Variants in CLCN6 observed in about 807,000 individuals in gnomAD.
CLCN6 encodes the protein Cl-/H+ antiporter 6.
A neutral mutation model predicts 109.8 loss-of-function variants in CLCN6; 70 were observed. The observed-to-expected ratio is 0.64, with a 90% CI of 0.53 to 0.78. CLCN6 has a LOEUF of 0.78. Ranked by LOEUF, CLCN6 falls within the 30% of genes least tolerant of loss-of-function variation. The probability of loss-of-function intolerance (pLI) is 0.00; values close to 1 mark genes in which losing one functional copy is unlikely to be tolerated. For missense variants in CLCN6, 984 were observed against 1,142.3 expected (o/e 0.86, Z 2.00); for synonymous variants, 444 against 447.8 (o/e 0.99, Z 0.11).
intron 5 of CLCN6, 41 bp downstream of exon 5, chr1:11,819,595 G>A: frequency 1.3e-6 from 2 of 1,555,612 alleles, no homozygotes; most frequent in Non-Finnish European, 1.8e-6. Flanking sequence ...GACTTCAGTG[G>A]TCACCAAGAT....
intron 2 of CLCN6, among the ~76,000 whole-genome samples, chr1:11,814,336 G>T (rs1220242498): frequency 6.8e-6 from 1 of 146,288 alleles, no homozygotes. Flanking sequence ...TGCAACCTCC[G>T]CCTCCTAGGT....
intron 8 of CLCN6, among the ~76,000 whole-genome samples, chr1:11,825,725 C>T (rs1346499562): frequency 1.3e-5 from 2 of 152,198 alleles, no homozygotes; most frequent in African/African-American, 2.4e-5. Context: ...TGGGTTCAAG[C>T]GATTCTCCTG....
At chr1:11,829,428 C>A in intron 13 of CLCN6, 106 bp downstream of exon 13, 1 of 1,324,862 alleles carries the variant, frequency 7.5e-7, no homozygotes, top group Non-Finnish European at 1.1e-6. Flanking sequence ...GTTCATCCTT[C>A]CACACCCATT....
Position 11,819,383 on chromosome 1 carries a change from G to A in CLCN6, c.280-105G>A, listed in dbSNP as rs565340855. On this transcript the variant is annotated intron_variant, in intron 4 of 22. Coordinates refer to ENST00000346436, the MANE Select transcript of CLCN6 (RefSeq NM_001286.5). ...TACTGCTGGCTGGTGAGCAGCCTCC[G>A]TATGTGCAGTGGGGGAGGAGATGCC... is the stretch of plus-strand genomic sequence containing the variant. 2.3e-5 allele frequency: 23 copies of A among 995,566 alleles called. No homozygotes were observed. In the Admixed American group the frequency reaches 2.5e-4, roughly 11 times the overall value. The allele number at this position is 995,566 out of a possible 1,614,324, so 61.7% of individuals were successfully genotyped here. A position where few individuals can be genotyped will look rare whatever the true frequency, so the allele number is the denominator to read the frequency against.
At chr1:11,822,625 G>A in intron 5 of CLCN6, 70 bp from the exon 6 acceptor site, 2 of 891,012 alleles carry the variant, frequency 2.2e-6, no homozygotes, top group South Asian at 2.7e-5. Flanking sequence ...AGAAGCAGCT[G>A]CACCCTCTCA....
chr1:11,808,322 T>A (rs1380708419), intron 2 of CLCN6, among the ~76,000 whole-genome samples: 3 of 150,380 alleles, frequency 2.0e-5, no homozygotes, highest in African/African-American at 2.4e-5. Flanking sequence ...TCGAACTCCT[T>A]GACACCAGCG....
chr1:11,818,208 G>T (rs1269882886), intron 4 of CLCN6, among the ~76,000 whole-genome samples: 1 of 152,132 alleles, frequency 6.6e-6, no homozygotes, highest in Non-Finnish European at 1.5e-5. Context: ...GCCTCTAGTT[G>T]TTAGTGTTTG....
At chr1:11,836,253 G>T in intron 18 of CLCN6, 100 bp downstream of exon 18, 6 of 1,075,176 alleles carry the variant, frequency 5.6e-6, no homozygotes, top group African/African-American at 1.6e-5. Context: ...TGGACTTACC[G>T]GCTCTCAGGG....
chr1:11,829,630 A>G (rs1457851551), intron 13 of CLCN6, among the ~76,000 whole-genome samples: 6 of 131,126 alleles, frequency 4.6e-5, no homozygotes, highest in African/African-American at 1.2e-4. Context: ...ACCTGGGAAC[A>G]ACCCTGGCGT....
At chr1:11,819,113 T>C (rs940553384) in intron 4 of CLCN6, among the ~76,000 whole-genome samples, 14 of 152,216 alleles carry the variant, frequency 9.2e-5, no homozygotes, top group African/African-American at 3.1e-4. Context: ...CTGTCATTAG[T>C]GTATTTTATG....
intron 13 of CLCN6, 67 bp downstream of exon 13, chr1:11,829,389 C>T (rs1020481462): frequency 2.5e-6 from 4 of 1,583,730 alleles, no homozygotes; most frequent in Non-Finnish European, 3.5e-6. Context: ...GTATGACCTT[C>T]CTCTGTTGAG....
intron 13 of CLCN6, 79 bp from the exon 14 acceptor site, chr1:11,833,436 T>G (rs1644904136): frequency 2.5e-5 from 36 of 1,468,706 alleles, no homozygotes; most frequent in Non-Finnish European, 3.4e-5. Flanking sequence ...CCACCTGTTT[T>G]GGACCCGGCT....
In CLCN6 at chr1:11,827,129, G is replaced by A; in HGVS notation, c.748G>A (p.Val250Ile). 2 of 1,613,990 alleles carry A rather than the reference G, an allele frequency of 1.2e-6. No homozygotes were observed. The highest frequency in any genetic ancestry group is 1.7e-6 in the Non-Finnish European group (2 of 1,179,916). ...TGTATCAGCAGGAGCGGCTGCTGGA[G>A]TTGCTGCAGCTTTCGGGGCGCCAAT... ...DFVSAGAAAGVAAAFGAPIGG... is the reference protein window; with the variant it reads ...DFVSAGAAAGIAAAFGAPIGG... Residue 250 changes from valine (V) to isoleucine (I), a missense_variant, in exon 10 of 23, where the codon GTT (valine) becomes ATT (isoleucine). Transcript: ENST00000346436.
chr1:11,829,542 C>T (rs191856934), intron 13 of CLCN6, among the ~76,000 whole-genome samples: 29 of 151,814 alleles, frequency 1.9e-4, no homozygotes, highest in Non-Finnish European at 3.7e-4. Context: ...ACAACCCTGG[C>T]GTCACAGAGG....
intron 19 of CLCN6, 73 bp downstream of exon 19, chr1:11,837,229 G>T (rs72640267): frequency 0.1 from 166,364 of 1,593,812 alleles, 9,050 homozygotes; most frequent in South Asian, 0.14. Context: ...CTCAGATGTT[G>T]TGAGGTGGCT....
intron 17 of CLCN6, among the ~76,000 whole-genome samples, chr1:11,835,312 G>A (rs931087095): frequency 1.3e-5 from 2 of 152,106 alleles, no homozygotes; most frequent in East Asian, 1.9e-4. Context: ...TCACTCTGTC[G>A]CCTAGGCTGG....
rs372586489 is a variant in CLCN6, at chr1:11,834,238, A to G, written c.1529A>G (p.Tyr510Cys). 1.9e-6 allele frequency: 3 copies of G among 1,611,910 alleles called. No individual in the cohort carries two copies. Among genetic ancestry groups the G allele is most frequent in the Non-Finnish European group, 2.5e-6 (3 of 1,179,072 alleles). The change falls in exon 16 of 23, where the codon TAC (tyrosine) becomes TGC (cysteine). Residue 510 changes from tyrosine to cysteine, a missense_variant and splice_region_variant. Coordinates refer to ENST00000346436, the MANE Select transcript of CLCN6 (RefSeq NM_001286.5). The surrounding 1 kb of genome is among the most constrained non-coding windows in gnomAD (Gnocchi z 4.5). ...GRLVANVLKSYIGLGHIYSGT... is the reference protein window; with the variant it reads ...GRLVANVLKSCIGLGHIYSGT... ...TTCTCGGTGTTTTCCTTCACTAGCT[A>G]CATTGGATTGGGCCACATCTATTCG...
Position 11,834,048 on chromosome 1 carries a change from G to A in CLCN6, c.1526+18G>A, listed in dbSNP as rs368466623. On this transcript the variant is annotated intron_variant, in intron 15 of 22. Transcript: ENST00000346436. This position sits in a 1 kb window ranked among gnomAD's most constrained non-coding sequence, Gnocchi z 4.5. ...CTAAAAAGGTACTCTGTGTGTGTGCGTGTGTGTGCGCATGTGCATGTGTGT... is the reference window on the plus strand; with the variant it reads ...CTAAAAAGGTACTCTGTGTGTGTGCATGTGTGTGCGCATGTGCATGTGTGT... 2.2e-5 allele frequency: 36 copies of A among 1,612,340 alleles called. No homozygotes were observed. Among genetic ancestry groups the A allele is most frequent in the South Asian group, 8.8e-5 (8 of 90,926 alleles).
chr1:11,835,884 C>T, intron 17 of CLCN6, 83 bp from the exon 18 acceptor site: 1 of 1,318,498 alleles, frequency 7.6e-7, no homozygotes, highest in African/African-American at 1.5e-5. Flanking sequence ...GTGGTCTGAG[C>T]AGGGCTGGAG....
Sources: allele counts gnomAD v4.1 joint callset (sites outside exome capture counted in the v4.1 genomes callset), GRCh38; gene constraint gnomAD v4.1.1; non-coding constraint Gnocchi (gnomAD v3.1); transcripts MANE v1.5; gene names NCBI Gene and HGNC (gene_info 2026-07-23, HGNC 2026-07-21).